Variants in SLC35F3 observed in about 807,000 individuals in gnomAD.
SLC35F3 encodes the protein solute carrier family 35 member F3.
SLC35F3 carries 25 observed loss-of-function variants against 49.9 expected under a neutral mutation model. The observed-to-expected ratio is 0.50, with a 90% CI of 0.37 to 0.70. SLC35F3 has a LOEUF of 0.70. Among genes scored for constraint, SLC35F3 ranks in the 30% least tolerant of loss-of-function variants. The pLI, the probability that SLC35F3 is intolerant of heterozygous loss-of-function variation, is 0.00. For missense variants in SLC35F3, 525 were observed against 639.8 expected, an observed-to-expected ratio of 0.82 and a Z score of 1.94; for synonymous variants, 275 against 265.4, an observed-to-expected ratio of 1.04 and a Z score of -0.35.
chr1:234,229,592 A>G (rs1258189959), intron 2 of SLC35F3, among the ~76,000 whole-genome samples: 1 of 152,198 alleles, frequency 6.6e-6, no homozygotes, highest in Admixed American at 6.5e-5. Context: ...CCTCTTTTGG[A>G]GTCCATTCTT....
intron 3 of SLC35F3, among the ~76,000 whole-genome samples, chr1:234,267,744 C>T (rs1229481797): frequency 4.1e-5 from 6 of 148,050 alleles, no homozygotes; most frequent in South Asian, 2.2e-4. Flanking sequence ...TCAGACGGGG[C>T]GGTTGCCAGG....
intron 2 of SLC35F3, among the ~76,000 whole-genome samples, chr1:234,017,485 G>A (rs908128834): frequency 2.5e-4 from 38 of 151,668 alleles, no homozygotes; most frequent in Admixed American, 2.3e-3. Context: ...AGGCTGAGGC[G>A]GGTGGATCAC....
chr1:234,138,078 A>G (rs1306430473), intron 2 of SLC35F3, among the ~76,000 whole-genome samples: 3 of 152,236 alleles, frequency 2.0e-5, no homozygotes, highest in South Asian at 4.1e-4. Context: ...TATTCTTCAC[A>G]GTAAGCAGGA....
At chr1:234,198,989 C>T (rs1401129798) in intron 2 of SLC35F3, among the ~76,000 whole-genome samples, 1 of 149,332 alleles carries the variant, frequency 6.7e-6, no homozygotes. Flanking sequence ...GAGACCAAGG[C>T]AGAAGGATAC....
chr1:233,982,385 T>G (rs899106051), intron 2 of SLC35F3, among the ~76,000 whole-genome samples: 9 of 152,144 alleles, frequency 5.9e-5, no homozygotes, highest in South Asian at 4.1e-4. Flanking sequence ...TTATTTTATT[T>G]TATTTTTTGA....
At chr1:233,996,188 T>C (rs1048841196) in intron 2 of SLC35F3, among the ~76,000 whole-genome samples, 8 of 152,204 alleles carry the variant, frequency 5.3e-5, no homozygotes, top group African/African-American at 1.9e-4. Flanking sequence ...GTACTGAACA[T>C]GTACAGACTT....
At chr1:234,322,919 AGAG>A (rs1657660612) in intron 7 of SLC35F3, 86 bp from the exon 8 acceptor site, 9 of 1,059,774 alleles carry the variant, frequency 8.5e-6, no homozygotes, top group Admixed American at 2.0e-5. Flanking sequence ...ACTGCCAGAC[AGAG>A]GAGGGTGCCC....
chr1:234,282,659 G>T (rs1668348743), intron 3 of SLC35F3, among the ~76,000 whole-genome samples: 3 of 152,186 alleles, frequency 2.0e-5, no homozygotes, highest in African/African-American at 7.2e-5. Context: ...CTCTCACCCA[G>T]TTCTTTTTGA....
At chr1:233,925,410 T>G (rs74960025) in intron 2 of SLC35F3, among the ~76,000 whole-genome samples, 68,230 of 151,908 alleles carry the variant, frequency 0.45, 16,428 homozygotes, top group Middle Eastern at 0.55. Flanking sequence ...TGTCTTTTGA[T>G]CTTTGTTGGT....
rs1206855210 is a variant in SLC35F3 at position 233,923,602 on chromosome 1, A to G, written c.283+17844A>G. On this transcript the variant is annotated intron_variant, in intron 2 of 7. Transcript: ENST00000366618. ...ATCATGTCATCTGCAAACAGGGACA[A>G]TTTGACTTCCTCTTTTCCTAATTGA... Among the ~76,000 whole-genome samples the G allele has an allele frequency of 4.6e-5, 7 of 152,276 alleles. No homozygotes were observed. In the East Asian group the frequency reaches 1.4e-3, roughly 29 times the overall value.
chr1:234,152,846 A>G (rs1666095888), intron 2 of SLC35F3, among the ~76,000 whole-genome samples: 1 of 152,202 alleles, frequency 6.6e-6, no homozygotes, highest in Non-Finnish European at 1.5e-5. Context: ...TCCCACCAAC[A>G]ATGTAAAAGC....
At chr1:233,958,536 G>GTGACATC (rs1185875832) in intron 2 of SLC35F3, among the ~76,000 whole-genome samples, 1 of 152,230 alleles carries the variant, frequency 6.6e-6, no homozygotes, top group East Asian at 1.9e-4. Context: ...GTTCAACCAA[G>GTGACATC]TGACATCTGA....
intron 3 of SLC35F3, among the ~76,000 whole-genome samples, chr1:234,265,346 G>GT (rs71576408): frequency 0.51 from 77,151 of 151,012 alleles, 20,175 homozygotes; most frequent in African/African-American, 0.57. Context: ...TTTTCTTTTT[G>GT]TTTTTTTGGT....
intron 2 of SLC35F3, among the ~76,000 whole-genome samples, chr1:234,056,430 A>G (rs1471753950): frequency 6.6e-6 from 1 of 152,236 alleles, no homozygotes; most frequent in East Asian, 1.9e-4. Flanking sequence ...AATGTATATT[A>G]GTACATGGTA....
Position 234,324,377 on chromosome 1 carries a change from T to G in SLC35F3, c.*1134T>G, listed in dbSNP as rs1449398993. 6.6e-6 allele frequency: 1 copy of G among 152,210 alleles called. No homozygotes were observed. Among genetic ancestry groups the G allele is most frequent in the Admixed American group, 6.5e-5 (1 of 15,278 alleles). 9.4% of individuals were successfully genotyped at this position (152,210 alleles called of 1,614,324 possible). A position where few individuals can be genotyped will look rare whatever the true frequency, so the allele number is the denominator to read the frequency against. On this transcript the variant is annotated 3_prime_UTR_variant, in exon 8 of 8. Coordinates refer to ENST00000366618, the MANE Select transcript of SLC35F3 (RefSeq NM_173508.4). ...TTGAAACGTTGTCATAACCCAATGG[T>G]GCATTCTGTAACCATGGAGTCTTCT...
At chr1:234,322,065 G>A (rs1250657124) in intron 7 of SLC35F3, among the ~76,000 whole-genome samples, 1 of 151,756 alleles carries the variant, frequency 6.6e-6, no homozygotes, top group East Asian at 1.9e-4. Flanking sequence ...CAGGCGTGGT[G>A]GCACCTATAG....
chr1:234,271,962 A>C (rs1283619224), intron 3 of SLC35F3, among the ~76,000 whole-genome samples: 1 of 152,082 alleles, frequency 6.6e-6, no homozygotes, highest in Non-Finnish European at 1.5e-5. Context: ...CCGTCTCTAC[A>C]AAAAAATACA....
In SLC35F3 at chr1:234,285,524, A is replaced by C. The variant is rs928875227; in HGVS notation, c.609-23577A>C. ...CCATCTATGTCTCTGTAACAGGAACAGTTCAGCAGGCTGATGAATATGATC... is the reference window on the plus strand; with the variant it reads ...CCATCTATGTCTCTGTAACAGGAACCGTTCAGCAGGCTGATGAATATGATC... On this transcript the variant is annotated intron_variant, in intron 3 of 7. Coordinates refer to ENST00000366618, the MANE Select transcript of SLC35F3 (RefSeq NM_173508.4). 8.7e-6 allele frequency: 3 copies of C among 346,438 alleles called. No homozygotes were observed. The Admixed American group carries it at 1.2e-4, about 14-fold the overall frequency. 21.5% of individuals were successfully genotyped at this position (346,438 alleles called of 1,614,324 possible). A position where few individuals can be genotyped will look rare whatever the true frequency, so the allele number is the denominator to read the frequency against.
intron 3 of SLC35F3, among the ~76,000 whole-genome samples, chr1:234,251,458 C>G (rs1467954675): frequency 1.3e-5 from 1 of 74,078 alleles, no homozygotes; most frequent in Non-Finnish European, 2.4e-5. Flanking sequence ...CATTTACAAA[C>G]TAAACCAAAA....
Sources: gnomAD v4.1 joint callset for allele counts (sites outside exome capture counted in the v4.1 genomes callset) on GRCh38, gnomAD v4.1.1 for gene constraint, MANE v1.5 for transcripts, NCBI Gene and HGNC (gene_info 2026-07-23, HGNC 2026-07-21) for gene names.